CTNNA2: variants seen among roughly 807,000 people sequenced by gnomAD.
CTNNA2 encodes catenin alpha-2.
Under a neutral mutation model 101.0 loss-of-function variants are expected in CTNNA2, and 42 were observed. The ratio of observed to expected loss-of-function variants is 0.42; its 90% CI spans 0.32 to 0.54. CTNNA2 has a LOEUF of 0.54. Ranked by LOEUF, CTNNA2 falls within the 20% of genes least tolerant of loss-of-function variation. CTNNA2 has a pLI of 0.14. For missense variants in CTNNA2, 871 were observed against 1,223.1 expected, an observed-to-expected ratio of 0.71 and a Z score of 4.29; for synonymous variants, 450 against 456.4, an observed-to-expected ratio of 0.99 and a Z score of 0.18.
chr2:79,423,272 C>T (rs981212388), intron 4 of CTNNA2, among the ~76,000 whole-genome samples: 1 of 152,116 alleles, frequency 6.6e-6, no homozygotes, highest in African/African-American at 2.4e-5. Flanking sequence ...TTCCATCCAT[C>T]CCCACCAAAG....
intron 3 of CTNNA2, among the ~76,000 whole-genome samples, chr2:79,326,127 T>A (rs917356490): frequency 3.3e-5 from 5 of 152,162 alleles, no homozygotes; most frequent in African/African-American, 9.7e-5. Flanking sequence ...TCATCACTTA[T>A]TGAGCATGTA....
At chr2:79,446,342 G>A (rs1333332177) in intron 4 of CTNNA2, among the ~76,000 whole-genome samples, 2 of 151,948 alleles carry the variant, frequency 1.3e-5, no homozygotes, top group Non-Finnish European at 2.9e-5. Context: ...AAATACCAAG[G>A]GTGGTTTTCT....
chr2:79,748,544 A>T (rs963940623), intron 3 of CTNNA2, among the ~76,000 whole-genome samples: 1 of 152,146 alleles, frequency 6.6e-6, no homozygotes, highest in Non-Finnish European at 1.5e-5. Context: ...TGTTTTCAGC[A>T]TAAGTAAATG....
At chr2:80,287,133 C>T (rs1012430776) in intron 7 of CTNNA2, among the ~76,000 whole-genome samples, 12 of 152,156 alleles carry the variant, frequency 7.9e-5, no homozygotes, top group South Asian at 2.1e-4. Context: ...GAGCTGAGGG[C>T]GTCAAGAAAA....
intron 7 of CTNNA2, among the ~76,000 whole-genome samples, chr2:80,049,862 A>T (rs1696758074): frequency 6.6e-6 from 1 of 152,048 alleles, no homozygotes; most frequent in Non-Finnish European, 1.5e-5. Flanking sequence ...TAACCCAGAC[A>T]TGTGTCTGTT....
At chr2:79,485,565 C>A (rs936219206) in intron 4 of CTNNA2, among the ~76,000 whole-genome samples, 4 of 152,142 alleles carry the variant, frequency 2.6e-5, no homozygotes, top group African/African-American at 9.7e-5. Context: ...GTTTTATTAA[C>A]CTTGTTTGGA....
intron 7 of CTNNA2, among the ~76,000 whole-genome samples, chr2:80,110,885 A>G (rs909139985): frequency 9.9e-5 from 15 of 152,202 alleles, no homozygotes; most frequent in African/African-American, 2.9e-4. Flanking sequence ...CATGCTGCTG[A>G]TAAAGACATA....
At chr2:80,240,814 G>A (rs536338817) in intron 7 of CTNNA2, among the ~76,000 whole-genome samples, 5 of 152,230 alleles carry the variant, frequency 3.3e-5, no homozygotes, top group South Asian at 2.1e-4. Flanking sequence ...ACTGTTTGAG[G>A]GAGTTAACAT....
intron 7 of CTNNA2, among the ~76,000 whole-genome samples, chr2:79,967,739 A>ACATAGTC (rs759411475): frequency 2.8e-4 from 42 of 152,370 alleles, no homozygotes; most frequent in East Asian, 1.4e-3. Flanking sequence ...AAAGAATTGA[A>ACATAGTC]CATAGTCACT....
intron 3 of CTNNA2, among the ~76,000 whole-genome samples, chr2:79,833,694 G>A (rs1040204734): frequency 6.6e-6 from 1 of 152,142 alleles, no homozygotes; most frequent in Admixed American, 6.6e-5. Context: ...ATAGGAACCA[G>A]TAAAACAAGA....
chr2:80,395,029 C>G (rs1238213694), intron 8 of CTNNA2, among the ~76,000 whole-genome samples: 1 of 152,078 alleles, frequency 6.6e-6, no homozygotes, highest in East Asian at 1.9e-4. Flanking sequence ...ATGGACCAAT[C>G]ATGGCAGGAT....
At chr2:79,374,984 T>C (rs1677950474) in intron 4 of CTNNA2, among the ~76,000 whole-genome samples, 1 of 152,156 alleles carries the variant, frequency 6.6e-6, no homozygotes, top group Non-Finnish European at 1.5e-5. Flanking sequence ...GAGCTTAGAA[T>C]GGAAACATTT....
chr2:79,511,396 AC>A (rs1671535770), upstream of CTNNA2, among the ~76,000 whole-genome samples: 1 of 152,042 alleles, frequency 6.6e-6, no homozygotes, highest in South Asian at 2.1e-4. Context: ...CACTCTTTAT[AC>A]CTTTTGGCAC....
chr2:79,844,655 G>A (rs1680064784), intron 3 of CTNNA2, among the ~76,000 whole-genome samples: 1 of 152,114 alleles, frequency 6.6e-6, no homozygotes, highest in Non-Finnish European at 1.5e-5. Flanking sequence ...AGTAAAATGG[G>A]GCCCAACAGA....
At chr2:79,860,549 T>TTTTTTTTGTTG (rs1681529495) in intron 4 of CTNNA2, among the ~76,000 whole-genome samples, 2 of 148,286 alleles carry the variant, frequency 1.3e-5, no homozygotes, top group South Asian at 2.2e-4. Flanking sequence ...AAGGGAAGTT[T>TTTTTTTTGTTG]TTTTTTTTTT....
intron 7 of CTNNA2, among the ~76,000 whole-genome samples, chr2:80,064,513 C>T (rs1558773057): frequency 6.6e-6 from 1 of 152,184 alleles, no homozygotes; most frequent in Admixed American, 6.5e-5. Context: ...CTGAATGGTC[C>T]TTTCACTGGT....
At chr2:80,377,094 G>T (rs755797691) in intron 7 of CTNNA2, among the ~76,000 whole-genome samples, 2 of 152,138 alleles carry the variant, frequency 1.3e-5, no homozygotes, top group African/African-American at 2.4e-5. Context: ...TTTTTCATTT[G>T]CCTCATATAT....
At chr2:79,415,833 A>G (rs1449265705) in intron 4 of CTNNA2, among the ~76,000 whole-genome samples, 1 of 152,108 alleles carries the variant, frequency 6.6e-6, no homozygotes, top group Non-Finnish European at 1.5e-5. Context: ...TTTGTAGGTA[A>G]AATCTTCAGA....
chr2:80,489,438 A>G (rs1052268212), intron 9 of CTNNA2, among the ~76,000 whole-genome samples: 2 of 152,220 alleles, frequency 1.3e-5, no homozygotes, highest in African/African-American at 4.8e-5. Flanking sequence ...TACCTTATAA[A>G]TGCACTGCTG....
Sources: gnomAD v4.1 joint callset for allele counts (sites outside exome capture counted in the v4.1 genomes callset) on GRCh38, gnomAD v4.1.1 for gene constraint, MANE v1.5 for transcripts, NCBI Gene and HGNC (gene_info 2026-07-23, HGNC 2026-07-21) for gene names.